ATAD1: variants seen among roughly 807,000 people sequenced by gnomAD.
ATAD1 encodes the protein ATPase family AAA domain containing 1.
A neutral mutation model predicts 42.7 loss-of-function variants in ATAD1; 18 were observed. The ratio of observed to expected loss-of-function variants is 0.42; its 90% CI spans 0.29 to 0.63. The LOEUF is 0.63. Ranked by LOEUF, ATAD1 falls within the 20% of genes least tolerant of loss-of-function variation. ATAD1 has a pLI of 0.19. For missense variants in ATAD1, 294 were observed against 440.4 expected (o/e 0.67, Z 2.98); for synonymous variants, 132 against 143.1 (o/e 0.92, Z 0.55).
chr10:87,773,800 G>A (rs578209265), intron 6 of ATAD1, among the ~76,000 whole-genome samples: 5 of 152,248 alleles, frequency 3.3e-5, no homozygotes, highest in African/African-American at 1.2e-4. Flanking sequence ...ACTATGCTCT[G>A]ACAGGGTACA....
At position 87,816,744 on chromosome 10, in the gene ATAD1, A is replaced by G. The variant is rs74468662; in HGVS notation, c.-14+1423T>C. 1.8e-4 allele frequency among the ~76,000 whole-genome samples: 28 copies of G among 152,344 alleles called. No individual in the cohort carries two copies. The East Asian group carries it at 4.8e-3, about 26-fold the overall frequency. ...CTGACTTTTCTAGTCTTTATTCCAC[A>G]AAGTTGAAAATGCAGTTGAAACGTG... On this transcript the variant is annotated intron_variant, in intron 1 of 9. Coordinates refer to ENST00000680024, the MANE Select transcript of ATAD1 (RefSeq NM_001321967.2).
At chr10:87,791,637 T>G in intron 3 of ATAD1, among the ~76,000 whole-genome samples, 1 of 152,214 alleles carries the variant, frequency 6.6e-6, no homozygotes, top group East Asian at 1.9e-4. Flanking sequence ...TATTAAGACA[T>G]TGCAGACTTT....
intron 2 of ATAD1, among the ~76,000 whole-genome samples, chr10:87,803,286 C>A (rs1316293132): frequency 6.6e-6 from 1 of 152,084 alleles, no homozygotes; most frequent in Non-Finnish European, 1.5e-5. Flanking sequence ...AAACTTGAGA[C>A]CAGAGACTCA....
chr10:87,815,802 T>C (rs1207593829), intron 1 of ATAD1, among the ~76,000 whole-genome samples: 3 of 152,122 alleles, frequency 2.0e-5, no homozygotes, highest in Admixed American at 2.0e-4. Flanking sequence ...TTCCCAAGCA[T>C]TCAAAACTAT....
At chr10:87,818,335 CAG>C (rs922421008), upstream of ATAD1, 12 of 889,920 alleles carry the variant, frequency 1.3e-5, no homozygotes, top group Admixed American at 6.8e-4. Context: ...GGCTTAGAAA[CAG>C]TGAGGGAGAG....
At chr10:87,837,512 T>C (rs1270956680) in intron 1 of ATAD1, among the ~76,000 whole-genome samples, 4 of 152,216 alleles carry the variant, frequency 2.6e-5, no homozygotes, top group Non-Finnish European at 4.4e-5. Flanking sequence ...GTACATATGC[T>C]GTTTGTGATC....
intron 2 of ATAD1, among the ~76,000 whole-genome samples, chr10:87,806,257 T>G (rs1474715494): frequency 6.6e-6 from 1 of 152,048 alleles, no homozygotes; most frequent in African/African-American, 2.4e-5. Flanking sequence ...CATCTTGGTT[T>G]TATTCTCACT....
chr10:87,781,538 G>C (rs137869923), intron 5 of ATAD1, among the ~76,000 whole-genome samples: 2 of 152,054 alleles, frequency 1.3e-5, no homozygotes. Context: ...TCCTAATTTC[G>C]AAGATGTTAA....
intron 6 of ATAD1, among the ~76,000 whole-genome samples, chr10:87,771,651 G>A (rs913888197): frequency 1.3e-5 from 2 of 151,750 alleles, no homozygotes; most frequent in Non-Finnish European, 2.9e-5. Flanking sequence ...AGATAACAGA[G>A]TATAAGCAAA....
upstream of ATAD1, among the ~76,000 whole-genome samples, chr10:87,820,129 A>G (rs565513470): frequency 1.3e-5 from 2 of 152,290 alleles, no homozygotes; most frequent in African/African-American, 4.8e-5. Context: ...AACAGAGGCT[A>G]TCAGTGCTCA....
chr10:87,769,867 T>C (rs1286580712), intron 7 of ATAD1, among the ~76,000 whole-genome samples: 5 of 151,590 alleles, frequency 3.3e-5, no homozygotes, highest in Admixed American at 2.6e-4. Context: ...CGCTTTAACC[T>C]GGGAAGCAGA....
chr10:87,831,830 A>G (rs960173071), intron 1 of ATAD1, among the ~76,000 whole-genome samples: 1 of 152,212 alleles, frequency 6.6e-6, no homozygotes, highest in African/African-American at 2.4e-5. Context: ...AGTATTTAAT[A>G]TATACCAGCT....
chr10:87,840,915 T>C (rs1179320346), intron 1 of ATAD1, among the ~76,000 whole-genome samples: 2 of 152,214 alleles, frequency 1.3e-5, no homozygotes, highest in Admixed American at 1.3e-4. Flanking sequence ...AAGTTGTATT[T>C]GTATGTTTGT....
At chr10:87,791,674 A>G (rs554143805) in intron 3 of ATAD1, among the ~76,000 whole-genome samples, 1 of 152,366 alleles carries the variant, frequency 6.6e-6, no homozygotes, top group South Asian at 2.1e-4. Context: ...AGATGGGACT[A>G]CTTCATTCTA....
intron 5 of ATAD1, among the ~76,000 whole-genome samples, chr10:87,782,864 G>A (rs1855634230): frequency 6.6e-6 from 1 of 152,010 alleles, no homozygotes; most frequent in Admixed American, 6.6e-5. Context: ...AGGGCATGGT[G>A]GTACACGCCT....
At chr10:87,768,717 T>C (rs1444371840) in intron 7 of ATAD1, among the ~76,000 whole-genome samples, 1 of 152,226 alleles carries the variant, frequency 6.6e-6, no homozygotes, top group African/African-American at 2.4e-5. Flanking sequence ...TCACACGACA[T>C]ATTAAATTTA....
intron 8 of ATAD1, among the ~76,000 whole-genome samples, chr10:87,759,219 T>A (rs1333937785): frequency 6.6e-6 from 1 of 152,110 alleles, no homozygotes; most frequent in African/African-American, 2.4e-5. Flanking sequence ...AAATAACATA[T>A]ACCTATACAC....
Position 87,830,952 on chromosome 10 carries a change from T to C in ATAD1, c.-14+10235A>G, listed in dbSNP as rs767569585. 6.6e-5 allele frequency among the ~76,000 whole-genome samples: 10 copies of C among 152,344 alleles called. 1 individual carries two copies. In the East Asian group the frequency reaches 1.7e-3, roughly 26 times the overall value. On this transcript the variant is annotated intron_variant, in intron 1 of 4. Transcript: ENST00000495903. ...GGATTAAAAGGAATACTGAATGTTA[T>C]TGAGTCTTTGACCAAAGGCAGTTTG... is the stretch of plus-strand genomic sequence containing the variant.
At position 87,754,626 on chromosome 10, in the gene ATAD1, CACTA is replaced by C; in HGVS notation, c.*57_*60del. On this transcript the variant is annotated 3_prime_UTR_variant, in exon 10 of 10. Transcript: ENST00000680024. ...AAGAGCACTCTTTCCGTTCTATTTC[CACTA>C]ACTGATAAGAGGACACACCAAACTA... 8 of 1,536,768 alleles carry C rather than the reference CACTA, an allele frequency of 5.2e-6. No individual in the cohort carries two copies. Among genetic ancestry groups the C allele is most frequent in the Non-Finnish European group, 5.3e-6 (6 of 1,131,916 alleles).
Sources: gnomAD v4.1 joint callset for allele counts (sites outside exome capture counted in the v4.1 genomes callset) on GRCh38, gnomAD v4.1.1 for gene constraint, MANE v1.5 for transcripts, NCBI Gene and HGNC (gene_info 2026-07-23, HGNC 2026-07-21) for gene names.